Variants in WAPL observed in about 807,000 individuals in gnomAD.
WAPL encodes the protein WAPL cohesin release factor.
Under a neutral mutation model 121.0 loss-of-function variants are expected in WAPL, and 5 were observed. The observed-to-expected ratio is 0.04, with a 90% CI of 0.02 to 0.09. The LOEUF is 0.09. WAPL is among the 10% of genes least tolerant of loss of function. The pLI is 1.00. For synonymous variants in WAPL, 480 were observed against 481.5 expected, an observed-to-expected ratio of 1.00 and a Z score of 0.04; for missense variants, 999 against 1,410.8, an observed-to-expected ratio of 0.71 and a Z score of 4.68.
chr10:86,505,300 C>CTTTTTTTTTTTTTTTTTTTTTTT lies in WAPL; in HGVS notation c.500-4580_500-4558dup, dbSNP rs531404303. ...CAAGCTTCAGCCACAGTGCCCAACT[C>CTTTTTTTTTTTTTTTTTTTTTTT]TTTTTTTTTTTTTTTTTTTTTTTTT... is the stretch of plus-strand genomic sequence containing the variant. On this transcript the variant is annotated intron_variant, in intron 2 of 18. Transcript: ENST00000298767. Among the ~76,000 whole-genome samples the CTTTTTTTTTTTTTTTTTTTTTTT allele has an allele frequency of 2.9e-4, 13 of 44,644 alleles. 2 individuals carry two copies. The highest frequency in any genetic ancestry group is 4.5e-4 in the Non-Finnish European group (11 of 24,342). The allele number at this position is 44,644 out of a possible 152,430, so 29.3% of individuals were successfully genotyped here.
intron 4 of WAPL, among the ~76,000 whole-genome samples, chr10:86,474,176 A>G (rs972361529): frequency 6.6e-6 from 1 of 152,218 alleles, no homozygotes; most frequent in African/African-American, 2.4e-5. Context: ...ATCAGTAATT[A>G]GTGCTCTGTG....
intron 1 of WAPL, among the ~76,000 whole-genome samples, chr10:86,519,496 ACCCC>A (rs139188414): frequency 2.7e-5 from 4 of 149,982 alleles, no homozygotes; most frequent in Non-Finnish European, 5.9e-5. Context: ...TCAGTAGTAG[ACCCC>A]CCCCCATGTT....
intron 5 of WAPL, among the ~76,000 whole-genome samples, chr10:86,473,468 A>C (rs186015727): frequency 1.3e-5 from 2 of 152,326 alleles, no homozygotes; most frequent in East Asian, 3.9e-4. Flanking sequence ...GTATTACTAG[A>C]ATACAGGAAG....
intron 16 of WAPL, among the ~76,000 whole-genome samples, chr10:86,445,700 A>G (rs1849599604): frequency 6.6e-6 from 1 of 151,772 alleles, no homozygotes. Context: ...AATTTTTTAT[A>G]TTTTTTGTAG....
At chr10:86,487,274 G>A (rs1231442211) in intron 4 of WAPL, among the ~76,000 whole-genome samples, 2 of 152,108 alleles carry the variant, frequency 1.3e-5, no homozygotes, top group Non-Finnish European at 2.9e-5. Flanking sequence ...ATAATGGCAT[G>A]TAGGGAAGCT....
intron 4 of WAPL, among the ~76,000 whole-genome samples, chr10:86,496,604 GTA>G (rs1378147574): frequency 1.3e-5 from 2 of 152,074 alleles, no homozygotes; most frequent in Admixed American, 1.3e-4. Flanking sequence ...GGTGGTGTGT[GTA>G]TGTCTCACAC....
At position 86,472,405 on chromosome 10, in the gene WAPL, G is replaced by C; in HGVS notation, c.1894-61C>G. The stretch of plus-strand genomic sequence containing the variant: ...AGGAACTAGCATATTTAAATCTATG[G>C]GCTCACTGTACTTTACATAAGTGCA... On this transcript the variant is annotated intron_variant, in intron 6 of 18. Transcript: ENST00000298767. The surrounding 1 kb of genome is among the most constrained non-coding windows in gnomAD (Gnocchi z 4.2). 6.4e-7 allele frequency: 1 copy of C among 1,564,742 alleles called. No individual in the cohort carries two copies. The highest frequency in any genetic ancestry group is 1.2e-5 in the South Asian group (1 of 82,252).
At chr10:86,447,918 C>G (rs961485813) in intron 15 of WAPL, among the ~76,000 whole-genome samples, 3 of 151,796 alleles carry the variant, frequency 2.0e-5, no homozygotes, top group South Asian at 4.2e-4. Flanking sequence ...CGTGGTGGCG[C>G]AAGCTTGTAA....
At position 86,460,406 on chromosome 10, in the gene WAPL, A is replaced by G. The variant is rs1368203833; in HGVS notation, c.2573T>C (p.Leu858Ser). The G allele has an allele frequency of 6.2e-7, 1 of 1,613,468 alleles. No individual in the cohort carries two copies. The highest frequency in any genetic ancestry group is 1.7e-5 in the Admixed American group (1 of 59,968). ...LWGAERCLRV[L>S]ESVTVHNPEN... Reference sequence around the variant, plus strand: ...ATAGTCATCCATACTTACACTTTCTAAAACTCGTAAACATCTCTCTGCTCC... The same window carrying G: ...ATAGTCATCCATACTTACACTTTCTGAAACTCGTAAACATCTCTCTGCTCC... Residue 858 changes from leucine to serine, a missense_variant, in exon 11 of 19, where the codon TTA (leucine) becomes TCA (serine). Physicochemically the swap from Leu to Ser is moderately radical, Grantham distance 145. Transcript: ENST00000298767.
chr10:86,507,811 T>A (rs566386717), intron 2 of WAPL, among the ~76,000 whole-genome samples: 1 of 152,090 alleles, frequency 6.6e-6, no homozygotes, highest in Non-Finnish European at 1.5e-5. Context: ...ATTCTCAGTA[T>A]ACTAACCCCT....
intron 1 of WAPL, among the ~76,000 whole-genome samples, chr10:86,518,832 A>T (rs924325948): frequency 6.6e-6 from 1 of 152,294 alleles, no homozygotes; most frequent in Middle Eastern, 3.4e-3. Context: ...CATGTTTTAC[A>T]ACCTGCAGCT....
At position 86,500,583 on chromosome 10, in the gene WAPL, T is replaced by C; in HGVS notation, c.660A>G (p.Glu220=). The change falls in exon 3 of 19, where the codon GAA becomes GAG. Residue 220 remains glutamate (E), a synonymous_variant. Transcript: ENST00000298767. Reference sequence around the variant, plus strand: ...TGATTGGAGATATTTCTGATGGTGATTCTGGCCTTTTCCCAAACTGGGAGT... The same window carrying C: ...TGATTGGAGATATTTCTGATGGTGACTCTGGCCTTTTCCCAAACTGGGAGT... ...TWNSQFGKRP[E]SPSEISPIKG... is the part of the protein sequence containing the mutation. The C allele has an allele frequency of 1.2e-6, 2 of 1,614,198 alleles. No homozygotes were observed. Among genetic ancestry groups the C allele is most frequent in the East Asian group, 2.2e-5 (1 of 44,880 alleles).
At chr10:86,464,346 CAT>C (rs374270837) in intron 9 of WAPL, among the ~76,000 whole-genome samples, 49 of 152,198 alleles carry the variant, frequency 3.2e-4, no homozygotes, top group African/African-American at 1.1e-3. Flanking sequence ...TTCAACAAAA[CAT>C]AAGACAAATT....
chr10:86,518,976 T>G (rs1297207365), intron 1 of WAPL, among the ~76,000 whole-genome samples: 1 of 152,248 alleles, frequency 6.6e-6, no homozygotes, highest in Non-Finnish European at 1.5e-5. Context: ...CCGATAGTGC[T>G]GTGCTCATTT....
intron 4 of WAPL, among the ~76,000 whole-genome samples, chr10:86,490,680 C>A (rs1319319526): frequency 2.0e-5 from 3 of 152,118 alleles, no homozygotes; most frequent in African/African-American, 7.2e-5. Flanking sequence ...TTAAAATTCA[C>A]TCATATTTAT....
At chr10:86,452,251 A>G in intron 14 of WAPL, 120 bp from the exon 15 acceptor site, 1 of 942,444 alleles carries the variant, frequency 1.1e-6, no homozygotes, top group Non-Finnish European at 1.5e-6. Flanking sequence ...CCACCTACAA[A>G]ATGGCTAAAA....
intron 4 of WAPL, among the ~76,000 whole-genome samples, chr10:86,490,790 C>T (rs1308004582): frequency 2.0e-5 from 3 of 151,990 alleles, no homozygotes; most frequent in Non-Finnish European, 2.9e-5. Context: ...AGGCCGGGCG[C>T]GGTGGCTCAC....
intron 2 of WAPL, among the ~76,000 whole-genome samples, chr10:86,503,253 T>C (rs963029844): frequency 2.0e-5 from 3 of 151,354 alleles, no homozygotes; most frequent in African/African-American, 7.3e-5. Context: ...AAATAGCAAA[T>C]GTTTATCTCA....
In WAPL at chr10:86,477,304, A is replaced by G. The variant is rs192052621; in HGVS notation, c.1645-3331T>C. On this transcript the variant is annotated intron_variant, in intron 4 of 18. Coordinates refer to ENST00000298767, the MANE Select transcript of WAPL (RefSeq NM_015045.5). ...AAGTGAACTGTGTATGTAAAGCACA[A>G]AACAGTGGTATGTCACAGGCTAATT... Among the ~76,000 whole-genome samples the G allele has an allele frequency of 2.9e-3, 435 of 152,352 alleles. 2 individuals carry two copies. Among genetic ancestry groups the G allele is most frequent in the Admixed American group, 0.023 (345 of 15,306 alleles).
Sources: gnomAD v4.1 joint callset for allele counts (sites outside exome capture counted in the v4.1 genomes callset) on GRCh38, gnomAD v4.1.1 for gene constraint, Gnocchi (gnomAD v3.1) non-coding constraint, MANE v1.5 for transcripts, NCBI Gene and HGNC (gene_info 2026-07-23, HGNC 2026-07-21) for gene names.